Variants in NAALADL2 observed in about 807,000 individuals in gnomAD.
NAALADL2 encodes N-acetylated alpha-linked acidic dipeptidase like 2, also known as inactive N-acetylated-alpha-linked acidic dipeptidase-like protein 2.
A neutral mutation model predicts 87.2 loss-of-function variants in NAALADL2; 76 were observed. The observed-to-expected ratio is 0.87, with a 90% CI of 0.72 to 1.05. The LOEUF (loss-of-function observed/expected upper bound fraction) is 1.05. Ranked by LOEUF, NAALADL2 falls within the 50% of genes least tolerant of loss-of-function variation. The probability of loss-of-function intolerance (pLI) is 0.00; values close to 1 mark genes in which losing one functional copy is unlikely to be tolerated. For missense variants in NAALADL2, 1,089 were observed against 945.8 expected (o/e 1.15, Z -1.99); for synonymous variants, 354 against 331.0 (o/e 1.07, Z -0.75).
At position 175,559,819 on chromosome 3, in the gene NAALADL2, T is replaced by C. The variant is rs142149041; in HGVS notation, c.1654-16222T>C. 2.6e-3 allele frequency among the ~76,000 whole-genome samples: 396 copies of C among 152,358 alleles called. 2 individuals carry two copies. Among genetic ancestry groups the C allele is most frequent in the Non-Finnish European group, 4.0e-3 (271 of 68,024 alleles). Reference sequence around the variant, plus strand: ...ATCATGATGAATGATCTTTTTACTGTGTTGAATGTTATTTGCTAGTGTTTT... The same window carrying C: ...ATCATGATGAATGATCTTTTTACTGCGTTGAATGTTATTTGCTAGTGTTTT... On this transcript the variant is annotated intron_variant, in intron 9 of 13. Coordinates refer to ENST00000454872, the MANE Select transcript of NAALADL2 (RefSeq NM_207015.3).
intron 2 of NAALADL2, among the ~76,000 whole-genome samples, chr3:175,221,050 T>G (rs1239608592): frequency 4.0e-5 from 6 of 151,784 alleles, no homozygotes; most frequent in Admixed American, 3.9e-4. Context: ...ACAAAAAAAT[T>G]TAGCCAGCCA....
chr3:175,734,147 C>T (rs144542552), intron 11 of NAALADL2, among the ~76,000 whole-genome samples: 62 of 152,366 alleles, frequency 4.1e-4, no homozygotes, highest in African/African-American at 1.3e-3. Flanking sequence ...TAGGGACTCT[C>T]TGTGGGGGCT....
At chr3:174,812,355 A>G (rs935387513) in intron 3 of NAALADL2, among the ~76,000 whole-genome samples, 3 of 152,184 alleles carry the variant, frequency 2.0e-5, no homozygotes, top group African/African-American at 7.2e-5. Flanking sequence ...CTGTCATAAC[A>G]TCACAGTGCA....
At chr3:174,917,005 T>C (rs993965061) in intron 1 of NAALADL2, among the ~76,000 whole-genome samples, 1 of 152,172 alleles carries the variant, frequency 6.6e-6, no homozygotes, top group Non-Finnish European at 1.5e-5. Flanking sequence ...TCATCATCCT[T>C]GGTACACCTG....
chr3:174,728,844 A>G (rs1732442414), intron 2 of NAALADL2, among the ~76,000 whole-genome samples: 1 of 152,086 alleles, frequency 6.6e-6, no homozygotes, highest in Middle Eastern at 3.2e-3. Flanking sequence ...TTATGGACAG[A>G]CAGCTGATGG....
intron 1 of NAALADL2, among the ~76,000 whole-genome samples, chr3:174,906,842 T>C (rs901114563): frequency 6.6e-6 from 1 of 152,134 alleles, no homozygotes; most frequent in African/African-American, 2.4e-5. Flanking sequence ...TAGATAACAA[T>C]ACAGAAACCA....
intron 2 of NAALADL2, among the ~76,000 whole-genome samples, chr3:174,665,706 C>A (rs564307172): frequency 7.9e-5 from 12 of 152,092 alleles, no homozygotes; most frequent in Non-Finnish European, 1.8e-4. Flanking sequence ...GATGCTATAA[C>A]AAATATCACA....
At chr3:175,595,585 A>G (rs1326785076) in intron 10 of NAALADL2, among the ~76,000 whole-genome samples, 1 of 152,044 alleles carries the variant, frequency 6.6e-6, no homozygotes, top group African/African-American at 2.4e-5. Flanking sequence ...TAGCATTTCT[A>G]AACACCAATA....
chr3:174,971,409 T>A (rs1253674581), intron 1 of NAALADL2, among the ~76,000 whole-genome samples: 1 of 152,170 alleles, frequency 6.6e-6, no homozygotes, highest in African/African-American at 2.4e-5. Context: ...CCAAAATAAG[T>A]TCCCTTCTTC....
intron 1 of NAALADL2, among the ~76,000 whole-genome samples, chr3:174,526,054 A>C (rs1164694349): frequency 6.6e-6 from 1 of 152,220 alleles, no homozygotes; most frequent in Non-Finnish European, 1.5e-5. Flanking sequence ...TGTGTTTGCC[A>C]TGTCTATAAG....
rs369571444 is a variant in NAALADL2 at position 175,755,350 on chromosome 3, G to A, written c.2121G>A (p.Met707Ile). 80 of 1,612,530 alleles carry A rather than the reference G, an allele frequency of 5.0e-5. No homozygotes were observed. Among genetic ancestry groups the A allele is most frequent in the Middle Eastern group, 4.9e-4 (3 of 6,080 alleles). ...PKERAPIRIR[M>I]LNDILQDMEK... ...AGAGAGCACCCATCCGCATCCGGATGCTGAATGACATTCTCCAAGACATGG... is the reference window on the plus strand; with the variant it reads ...AGAGAGCACCCATCCGCATCCGGATACTGAATGACATTCTCCAAGACATGG... The change falls in exon 13 of 14, where the codon ATG becomes ATA. Residue 707 changes from methionine (M) to isoleucine (I), a missense_variant. By Grantham distance (10) the Met-to-Ile change is conservative. Transcript: ENST00000454872.
chr3:175,031,153 T>A (rs918885085), intron 1 of NAALADL2, among the ~76,000 whole-genome samples: 1 of 152,072 alleles, frequency 6.6e-6, no homozygotes, highest in Non-Finnish European at 1.5e-5. Flanking sequence ...AATTTTAGAA[T>A]GAGGGGGTAC....
intron 3 of NAALADL2, among the ~76,000 whole-genome samples, chr3:174,787,222 G>A (rs1035584240): frequency 9.2e-5 from 14 of 151,620 alleles, no homozygotes; most frequent in African/African-American, 2.4e-4. Context: ...TTTGTTATTC[G>A]TCTCTTCAAA....
At chr3:174,696,305 A>G (rs779793690) in intron 2 of NAALADL2, among the ~76,000 whole-genome samples, 1 of 152,060 alleles carries the variant, frequency 6.6e-6, no homozygotes, top group African/African-American at 2.4e-5. Context: ...GCTTTCTTGC[A>G]TCAAGGAAGA....
intron 2 of NAALADL2, among the ~76,000 whole-genome samples, chr3:174,608,854 C>G (rs1453163179): frequency 6.6e-6 from 1 of 151,662 alleles, no homozygotes; most frequent in Admixed American, 6.6e-5. Flanking sequence ...GGCAGAGACA[C>G]AACCAAAAAC....
At chr3:174,922,321 A>T (rs1002851498) in intron 1 of NAALADL2, among the ~76,000 whole-genome samples, 1 of 151,522 alleles carries the variant, frequency 6.6e-6, no homozygotes, top group Non-Finnish European at 1.5e-5. Context: ...AAAAAAAAAA[A>T]AAAAAAATTG....
chr3:174,770,868 A>T (rs1714459004), intron 3 of NAALADL2, among the ~76,000 whole-genome samples: 2 of 152,132 alleles, frequency 1.3e-5, no homozygotes, highest in Non-Finnish European at 2.9e-5. Flanking sequence ...AAGAAAAAAA[A>T]AGAAATACGT....
chr3:175,218,749 A>G (rs1319330325), intron 2 of NAALADL2, among the ~76,000 whole-genome samples: 3 of 152,064 alleles, frequency 2.0e-5, no homozygotes, highest in African/African-American at 4.8e-5. Context: ...AATATTATAT[A>G]GTAATAAAAT....
chr3:174,852,402 G>A (rs1446523378), intron 3 of NAALADL2, among the ~76,000 whole-genome samples: 1 of 152,046 alleles, frequency 6.6e-6, no homozygotes, highest in Non-Finnish European at 1.5e-5. Flanking sequence ...TACAAATTCA[G>A]TGGCATTTCT....
Sources: allele counts gnomAD v4.1 joint callset (sites outside exome capture counted in the v4.1 genomes callset), GRCh38; gene constraint gnomAD v4.1.1; transcripts MANE v1.5; gene names NCBI Gene and HGNC (gene_info 2026-07-23, HGNC 2026-07-21).